The following FANCA variants were observed in gnomAD, a reference collection of about 807,000 sequenced individuals.
The protein encoded by FANCA is Fanconi anemia group A protein.
Under a neutral mutation model 194.3 loss-of-function variants are expected in FANCA, and 236 were observed. The observed-to-expected ratio is 1.21, with a 90% CI of 1.09 to 1.35. The LOEUF (loss-of-function observed/expected upper bound fraction) is 1.35. FANCA is among the 40% of genes most tolerant of loss of function. The pLI, the probability that FANCA is intolerant of heterozygous loss-of-function variation, is 0.00. For missense variants in FANCA, 2,628 were observed against 1,813.9 expected, an observed-to-expected ratio of 1.45 and a Z score of -8.15; for synonymous variants, 1,014 against 715.8, an observed-to-expected ratio of 1.42 and a Z score of -6.65.
At chr16:89,789,864 G>A (rs182843888) in intron 14 of FANCA, among the ~76,000 whole-genome samples, 5 of 152,110 alleles carry the variant, frequency 3.3e-5, no homozygotes, top group Non-Finnish European at 7.4e-5. Context: ...CACATGAACT[G>A]GGGGTTTTCA....
At position 89,773,312 on chromosome 16, in the gene FANCA, C is replaced by T; in HGVS notation, c.1973G>A (p.Gly658Glu). The change falls in exon 22 of 43, where the codon GGA becomes GAA. Residue 658 changes from glycine (G) to glutamate (E), a missense_variant. Transcript: ENST00000389301. ...GTCTGTCATGGAGGCTCTCAGCTCT[C>T]CCAGTGCAGCTGTGAGCTGTCCCAG... ...EPLGQLTAAL[G>E]ELRASMTDPS... 1 of 1,551,562 alleles carries T rather than the reference C, an allele frequency of 6.4e-7. No individual in the cohort carries two copies. The highest frequency in any genetic ancestry group is 8.7e-7 in the Non-Finnish European group (1 of 1,146,990).
At chr16:89,740,709 C>A (rs921021256) in intron 38 of FANCA, 95 bp downstream of exon 38, 1 of 986,136 alleles carries the variant, frequency 1.0e-6, no homozygotes, top group Non-Finnish European at 1.6e-6. Context: ...AGCTCCTGAG[C>A]TAGTCTGGAA....
Position 89,791,926 on chromosome 16 carries a change from C to G in FANCA, c.1225+1G>C. ...ACCACCGGGCTCGCGTAAAAGCTCA[C>G]CTTCAAGCAGCTGCTGCGCTTCTGG... On this transcript the variant is annotated splice_donor_variant, in intron 13 of 42. Coordinates refer to ENST00000389301, the MANE Select transcript of FANCA (RefSeq NM_000135.4). LOFTEE classifies it high-confidence loss of function. 1 of 1,614,184 alleles carries G rather than the reference C, an allele frequency of 6.2e-7. No individual in the cohort carries two copies. The highest frequency in any genetic ancestry group is 1.3e-5 in the African/African-American group (1 of 75,050).
In FANCA at chr16:89,764,977, G is replaced by A. The variant is rs1567614516; in HGVS notation, c.2691C>T (p.His897=). Residue 897 remains histidine, a synonymous_variant, in exon 28 of 43, where the codon CAC becomes CAT. Coordinates refer to ENST00000389301, the MANE Select transcript of FANCA (RefSeq NM_000135.4). ...CTCTCTGCCAGTCTGCAGAAGGAAG[G>A]TGCAAGGGTCTCCAGGAAAGGCTGG... ...DVASLSWRPL[H]LPSADWQRAA... 1.2e-6 allele frequency: 2 copies of A among 1,614,242 alleles called. No individual in the cohort carries two copies. Among genetic ancestry groups the A allele is most frequent in the Admixed American group, 1.7e-5 (1 of 60,036 alleles).
chr16:89,805,468 C>A, intron 6 of FANCA, 76 bp from the exon 7 acceptor site: 2 of 1,234,748 alleles, frequency 1.6e-6, no homozygotes, highest in Admixed American at 1.9e-5. Context: ...GCCATATGTC[C>A]CAATTTTTTT....
intron 35 of FANCA, among the ~76,000 whole-genome samples, chr16:89,745,808 A>C (rs180877463): frequency 4.6e-5 from 7 of 151,862 alleles, no homozygotes; most frequent in Admixed American, 3.3e-4. Context: ...GCTGGGAACG[A>C]AACAGTGAAG....
At chr16:89,739,332 A>C in intron 40 of FANCA, 43 bp from the exon 41 acceptor site, 1 of 1,612,222 alleles carries the variant, frequency 6.2e-7, no homozygotes, top group Non-Finnish European at 8.5e-7. Context: ...AGACTGCTGG[A>C]AAGGTAGCAG....
intron 7 of FANCA, among the ~76,000 whole-genome samples, chr16:89,804,472 G>A (rs913550433): frequency 6.6e-6 from 1 of 152,120 alleles, no homozygotes; most frequent in South Asian, 2.1e-4. Context: ...CTGAATATAA[G>A]TCCTGACAAA....
At chr16:89,772,091 C>T (rs1000145658) in intron 22 of FANCA, among the ~76,000 whole-genome samples, 4 of 152,196 alleles carry the variant, frequency 2.6e-5, no homozygotes, top group Non-Finnish European at 5.9e-5. Flanking sequence ...CATGAACCTC[C>T]CCATCTGAAA....
chr16:89,796,141 C>T (rs2040238514), intron 10 of FANCA, 123 bp from the exon 11 acceptor site: 1 of 757,352 alleles, frequency 1.3e-6, no homozygotes, highest in Non-Finnish European at 2.3e-6. Context: ...GCTTTCTTGG[C>T]CAGGCCACTA....
chr16:89,803,178 G>A (rs34079252), intron 8 of FANCA, 81 bp downstream of exon 8: 211 of 1,304,620 alleles, frequency 1.6e-4, no homozygotes, highest in Non-Finnish European at 1.6e-4. Flanking sequence ...CGTTTCAATA[G>A]AGAGACACGT....
Position 89,746,603 on chromosome 16 carries a change from A to G in FANCA, c.3494T>C (p.Leu1165Ser). Residue 1165 changes from leucine to serine, a missense_variant, in exon 35 of 43, where the codon TTA becomes TCA. Transcript: ENST00000389301. ...ILAKCQTKCPLILTSALVWWP... is the reference protein window; with the variant it reads ...ILAKCQTKCPSILTSALVWWP... Reference sequence around the variant, plus strand: ...ACCCACCAGAGCAGAGGTCAAAATTAAGGGGCATTTCGTCTGGCACTTGGC... The same window carrying G: ...ACCCACCAGAGCAGAGGTCAAAATTGAGGGGCATTTCGTCTGGCACTTGGC... The G allele has an allele frequency of 6.2e-7, 1 of 1,614,102 alleles. No homozygotes were observed. Among genetic ancestry groups the G allele is most frequent in the Non-Finnish European group, 8.5e-7 (1 of 1,179,972 alleles).
rs774731150 is a variant in FANCA at position 89,742,917 on chromosome 16, G to A, written c.3648C>T (p.Ala1216=). Residue 1216 remains alanine (A), a synonymous_variant, in exon 37 of 43, where the codon GCC becomes GCT. Coordinates refer to ENST00000389301, the MANE Select transcript of FANCA (RefSeq NM_000135.4). ...FASDFLSPEA[A]SPAPNPDWLS... is the part of the protein sequence containing the mutation. ...GCCAGTCCGGGTTGGGTGCTGGGGAGGCAGCCTCAGGGGAGAGGAAACTGG... is the reference window on the plus strand; with the variant it reads ...GCCAGTCCGGGTTGGGTGCTGGGGAAGCAGCCTCAGGGGAGAGGAAACTGG... The A allele has an allele frequency of 2.5e-6, 4 of 1,614,010 alleles. No individual in the cohort carries two copies. Among genetic ancestry groups the A allele is most frequent in the African/African-American group, 2.7e-5 (2 of 74,926 alleles).
rs908258968 is a variant in FANCA, at chr16:89,816,569, C to T, written c.47G>A (p.Gly16Glu). The T allele has an allele frequency of 9.2e-6, 14 of 1,516,640 alleles. No homozygotes were observed. The highest frequency in any genetic ancestry group is 2.6e-5 in the East Asian group (1 of 38,008). 93.9% of individuals were successfully genotyped at this position (1,516,640 alleles called of 1,614,324 possible). The change falls in exon 1 of 43, where the codon GGG becomes GAG. Residue 16 changes from glycine to glutamate, a missense_variant. Coordinates refer to ENST00000389301, the MANE Select transcript of FANCA (RefSeq NM_000135.4). ...CTCGGCCCAGGCCCTCCGGCGGCCC[C>T]CTGGGTCCTGGCCCGAGGCGGAGTT... Reference protein sequence around the residue: ...VPNSASGQDPGGRRRAWAELL... With the variant: ...VPNSASGQDPEGRRRAWAELL...
intron 8 of FANCA, among the ~76,000 whole-genome samples, chr16:89,802,289 G>A (rs2040484014): frequency 6.8e-6 from 1 of 146,006 alleles, no homozygotes; most frequent in Non-Finnish European, 1.5e-5. Context: ...TTTTACTAGA[G>A]ACAGGGTTTC....
At chr16:89,797,024 G>T (rs1417717700) in intron 10 of FANCA, among the ~76,000 whole-genome samples, 2 of 152,192 alleles carry the variant, frequency 1.3e-5, no homozygotes, top group African/African-American at 2.4e-5. Context: ...GCCGGGCATG[G>T]TGGTGGGCAC....
At chr16:89,772,906 G>C (rs2039372885) in intron 22 of FANCA, among the ~76,000 whole-genome samples, 2 of 152,124 alleles carry the variant, frequency 1.3e-5, no homozygotes, top group African/African-American at 4.8e-5. Flanking sequence ...CCATCACATG[G>C]AAGCAGGATC....
At position 89,811,033 on chromosome 16, in the gene FANCA, G is replaced by T. The variant is rs761430527; in HGVS notation, c.322C>A (p.Pro108Thr). 6.2e-7 allele frequency: 1 copy of T among 1,614,026 alleles called. No homozygotes were observed. The highest frequency in any genetic ancestry group is 8.5e-7 in the Non-Finnish European group (1 of 1,180,044). Residue 108 changes from proline (P) to threonine (T), a missense_variant, in exon 4 of 43, where the codon CCC becomes ACC. Pro to Thr is a conservative substitution (Grantham distance 38). Coordinates refer to ENST00000389301, the MANE Select transcript of FANCA (RefSeq NM_000135.4). ...ATCCCGGCTGAGAGAATACCCACGG[G>T]AACCCCCAGCCTTGAGGCTTGATCC... ...LQDQASRLGV[P>T]VGILSAGMVA... is the part of the protein sequence containing the mutation.
chr16:89,747,979 C>G lies in FANCA; in HGVS notation c.3348+680G>C, dbSNP rs1466804979. ...CCAGGCTGGAGTGTAGTGGTGGGAT[C>G]TTGGCTCAGTGCAACTCTGCCTCCT... On this transcript the variant is annotated intron_variant, in intron 33 of 42. Transcript: ENST00000389301. Among the ~76,000 whole-genome samples the G allele has an allele frequency of 7.9e-5, 12 of 152,286 alleles. No individual in the cohort carries two copies. The East Asian group carries it at 2.1e-3, about 27-fold the overall frequency.
Sources: gnomAD v4.1 joint callset for allele counts (sites outside exome capture counted in the v4.1 genomes callset) on GRCh38, gnomAD v4.1.1 for gene constraint, MANE v1.5 for transcripts, NCBI Gene and HGNC (gene_info 2026-07-23, HGNC 2026-07-21) for gene names.